TRPM3: variants seen among roughly 807,000 people sequenced by gnomAD.
TRPM3 encodes transient receptor potential cation channel subfamily M member 3.
TRPM3 carries 77 observed loss-of-function variants against 181.2 expected under a neutral mutation model. The observed-to-expected ratio is 0.42, with a 90% confidence interval of 0.35 to 0.51. TRPM3 has a LOEUF of 0.51. Among genes scored for constraint, TRPM3 ranks in the 20% least tolerant of loss-of-function variants. The probability of loss-of-function intolerance (pLI) is 0.01; values close to 1 mark genes in which losing one functional copy is unlikely to be tolerated. For synonymous variants in TRPM3, 745 were observed against 796.4 expected, an observed-to-expected ratio of 0.94 and a Z score of 1.09; for missense variants, 1,759 against 2,196.7, an observed-to-expected ratio of 0.80 and a Z score of 3.98.
chr9:71,265,018 T>C (rs1488104675), intron 1 of TRPM3, among the ~76,000 whole-genome samples: 2 of 152,208 alleles, frequency 1.3e-5, no homozygotes, highest in Admixed American at 6.5e-5. Context: ...TTAATTTGGA[T>C]GATAGCAAAG....
intron 1 of TRPM3, among the ~76,000 whole-genome samples, chr9:71,361,144 G>A (rs10746874): frequency 0.49 from 74,891 of 151,904 alleles, 19,303 homozygotes; most frequent in East Asian, 0.6. Flanking sequence ...GCACCACCAC[G>A]CCCAGCTAAT....
chr9:71,005,368 T>G (rs951043314), intron 1 of TRPM3, among the ~76,000 whole-genome samples: 4 of 151,876 alleles, frequency 2.6e-5, no homozygotes, highest in African/African-American at 9.7e-5. Flanking sequence ...ATCGCACCAT[T>G]GTACTCTAGC....
At chr9:70,993,301 G>A (rs1351593796) in intron 1 of TRPM3, among the ~76,000 whole-genome samples, 1 of 152,182 alleles carries the variant, frequency 6.6e-6, no homozygotes, top group Non-Finnish European at 1.5e-5. Context: ...TTACAGTACA[G>A]GTGTGAGGTG....
chr9:71,203,724 T>A (rs1408379394), intron 1 of TRPM3, among the ~76,000 whole-genome samples: 2 of 152,186 alleles, frequency 1.3e-5, no homozygotes, highest in Non-Finnish European at 2.9e-5. Flanking sequence ...ATACACATGG[T>A]ACTCTGTACA....
At chr9:70,790,857 T>C (rs1043886543) in intron 6 of TRPM3, among the ~76,000 whole-genome samples, 29 of 152,312 alleles carry the variant, frequency 1.9e-4, no homozygotes, top group Middle Eastern at 3.4e-3. Flanking sequence ...AATATTCAGG[T>C]ACAACTGTGG....
chr9:70,555,378 C>T (rs1389917256), intron 22 of TRPM3, among the ~76,000 whole-genome samples: 4 of 152,190 alleles, frequency 2.6e-5, no homozygotes, highest in Non-Finnish European at 5.9e-5. Flanking sequence ...CCAGTTTATT[C>T]GTCTGTATTC....
At chr9:71,313,235 A>T (rs1456034745) in intron 1 of TRPM3, among the ~76,000 whole-genome samples, 1 of 152,040 alleles carries the variant, frequency 6.6e-6, no homozygotes, top group Non-Finnish European at 1.5e-5. Context: ...AAAGGAGTCT[A>T]TTAAGACAAA....
At position 71,093,371 on chromosome 9, in the gene TRPM3, CTT is replaced by C. The variant is rs370964095; in HGVS notation, c.177+27805_177+27806del. ...ACTAATATCCAGAATCTACAAAGAA[CTT>C]AAACAAATTTACAAGAAAAAAAAAC... is the stretch of plus-strand genomic sequence containing the variant. On this transcript the variant is annotated intron_variant, in intron 1 of 25. Coordinates refer to ENST00000677713, the MANE Select transcript of TRPM3 (RefSeq NM_001366145.2). Among the ~76,000 whole-genome samples, 56 of 151,936 alleles carry C rather than the reference CTT, an allele frequency of 3.7e-4. No individual in the cohort carries two copies. In the East Asian group the frequency reaches 9.9e-3, roughly 27 times the overall value.
intron 8 of TRPM3, chr9:70,761,290 C>T (rs2078083871): frequency 1.7e-6 from 1 of 602,994 alleles, no homozygotes; most frequent in African/African-American, 1.9e-5. Flanking sequence ...GAAGATCAAG[C>T]TGAAGCGTTC....
chr9:71,211,551 A>T (rs1429345129), intron 1 of TRPM3, among the ~76,000 whole-genome samples: 2 of 152,134 alleles, frequency 1.3e-5, no homozygotes, highest in Non-Finnish European at 2.9e-5. Flanking sequence ...TAGAAGTCCA[A>T]GATCAGGGTG....
At chr9:71,042,313 A>G (rs1203117982) in intron 1 of TRPM3, among the ~76,000 whole-genome samples, 1 of 152,174 alleles carries the variant, frequency 6.6e-6, no homozygotes, top group Non-Finnish European at 1.5e-5. Context: ...GCTTTTCTTC[A>G]ATGTTTACAT....
At chr9:70,700,855 C>T (rs943015224) in intron 8 of TRPM3, among the ~76,000 whole-genome samples, 4 of 152,176 alleles carry the variant, frequency 2.6e-5, no homozygotes, top group African/African-American at 7.2e-5. Context: ...CAATGTTAAA[C>T]GTGCTAAATA....
intron 6 of TRPM3, among the ~76,000 whole-genome samples, chr9:70,788,149 C>T (rs570163519): frequency 1.6e-3 from 221 of 139,346 alleles, no homozygotes; most frequent in Non-Finnish European, 2.8e-3. Context: ...TCTCCCAATG[C>T]TATCCCTCCC....
intron 1 of TRPM3, among the ~76,000 whole-genome samples, chr9:71,064,405 A>T (rs932521255): frequency 6.6e-6 from 1 of 151,650 alleles, no homozygotes; most frequent in Non-Finnish European, 1.5e-5. Context: ...ACATTACACA[A>T]GGTAAGTATC....
intron 1 of TRPM3, among the ~76,000 whole-genome samples, chr9:71,441,866 C>T (rs1452878995): frequency 6.6e-6 from 1 of 152,092 alleles, no homozygotes; most frequent in African/African-American, 2.4e-5. Context: ...CTCCTGACCT[C>T]GTGATCCACC....
At chr9:70,608,439 A>G (rs868661553) in intron 19 of TRPM3, among the ~76,000 whole-genome samples, 1 of 152,206 alleles carries the variant, frequency 6.6e-6, no homozygotes, top group Non-Finnish European at 1.5e-5. Context: ...CATGGGTTGA[A>G]TTTGGCTCAA....
At position 71,414,519 on chromosome 9, in the gene TRPM3, C is replaced by T. The variant is rs74411381; in HGVS notation, c.183+32134G>A. Among the ~76,000 whole-genome samples the T allele has an allele frequency of 8.9e-3, 1,350 of 152,130 alleles. 18 individuals carry two copies. The highest frequency in any genetic ancestry group is 0.027 in the African/African-American group (1,141 of 41,526). On this transcript the variant is annotated intron_variant, in intron 1 of 24. Coordinates refer to the TRPM3 transcript ENST00000357533. ...ATTAAAATCATTAAGATCTATTCTG[C>T]CAGATGGCCTGTATACAGTAATCAC...
At chr9:70,618,310 T>C (rs971323706) in intron 17 of TRPM3, among the ~76,000 whole-genome samples, 3 of 152,242 alleles carry the variant, frequency 2.0e-5, no homozygotes, top group Non-Finnish European at 4.4e-5. Context: ...ATAGACACAT[T>C]AAAAATGGCC....
rs183790420 is a variant in TRPM3 at position 70,684,771 on chromosome 9, A to C, written c.1273-3193T>G. On this transcript the variant is annotated intron_variant, in intron 8 of 25. Coordinates refer to ENST00000677713, the MANE Select transcript of TRPM3 (RefSeq NM_001366145.2). ...TTGATTTTGATGCATTATTCTTAGCAACACTGAATCTTATTTGCTAATACT... is the reference window on the plus strand; with the variant it reads ...TTGATTTTGATGCATTATTCTTAGCCACACTGAATCTTATTTGCTAATACT... Among the ~76,000 whole-genome samples, 356 of 152,338 alleles carry C rather than the reference A, an allele frequency of 2.3e-3. 1 individual carries two copies. Among genetic ancestry groups the C allele is most frequent in the African/African-American group, 8.3e-3 (346 of 41,576 alleles).
Sources: gnomAD v4.1 joint callset for allele counts (sites outside exome capture counted in the v4.1 genomes callset) on GRCh38, gnomAD v4.1.1 for gene constraint, MANE v1.5 for transcripts, NCBI Gene and HGNC (gene_info 2026-07-23, HGNC 2026-07-21) for gene names.